The following SEMA6D variants were observed in gnomAD, a reference collection of about 807,000 sequenced individuals.
SEMA6D encodes semaphorin 6D, also known as semaphorin-6D.
A neutral mutation model predicts 106.6 loss-of-function variants in SEMA6D; 35 were observed. The observed-to-expected ratio is 0.33, with a 90% confidence interval of 0.25 to 0.44. SEMA6D has a LOEUF of 0.44. Ranked by LOEUF, SEMA6D falls within the 20% of genes least tolerant of loss-of-function variation. SEMA6D has a pLI of 1.00. For missense variants in SEMA6D, 1,185 were observed against 1,345.9 expected (o/e 0.88, Z 1.87); for synonymous variants, 499 against 487.7 (o/e 1.02, Z -0.31).
At chr15:47,733,402 G>A in intron 1 of SEMA6D, among the ~76,000 whole-genome samples, 1 of 152,128 alleles carries the variant, frequency 6.6e-6, no homozygotes, top group East Asian at 1.9e-4. Context: ...GCAAGAAGCT[G>A]TAAAAATTAA....
At chr15:47,626,955 T>C (rs1055230927) in intron 4 of SEMA6D, among the ~76,000 whole-genome samples, 1 of 152,120 alleles carries the variant, frequency 6.6e-6, no homozygotes, top group Non-Finnish European at 1.5e-5. Flanking sequence ...AAAGGAACAC[T>C]AACAATAGGG....
intron 2 of SEMA6D, among the ~76,000 whole-genome samples, chr15:47,462,168 T>C (rs1479703470): frequency 6.6e-6 from 1 of 152,078 alleles, no homozygotes; most frequent in Non-Finnish European, 1.5e-5. Flanking sequence ...TAATTAAATG[T>C]GGCCTGCCTT....
chr15:47,692,149 G>A (rs2078600168), intron 4 of SEMA6D, among the ~76,000 whole-genome samples: 1 of 152,134 alleles, frequency 6.6e-6, no homozygotes, highest in Non-Finnish European at 1.5e-5. Flanking sequence ...GTGTTTAATA[G>A]CCAAAACTGT....
chr15:47,348,169 C>T (rs2038120368), intron 1 of SEMA6D, among the ~76,000 whole-genome samples: 1 of 152,108 alleles, frequency 6.6e-6, no homozygotes, highest in South Asian at 2.1e-4. Context: ...TTAATTTGCT[C>T]TTCCTTTACT....
intron 1 of SEMA6D, among the ~76,000 whole-genome samples, chr15:47,348,721 C>CAGAGAGAGAGAGAGAGAGAGAG (rs1313096616): frequency 2.0e-4 from 5 of 24,670 alleles, no homozygotes; most frequent in African/African-American, 4.9e-4. Flanking sequence ...ACACACACCA[C>CAGAGAGAGAGAGAGAGAGAGAG]ACACACAGAG....
chr15:47,606,568 A>G (rs961846217), intron 4 of SEMA6D, among the ~76,000 whole-genome samples: 9 of 152,182 alleles, frequency 5.9e-5, no homozygotes, highest in African/African-American at 2.2e-4. Flanking sequence ...GATACATTGT[A>G]GGAGGAAACT....
intron 1 of SEMA6D, among the ~76,000 whole-genome samples, chr15:47,199,997 T>G (rs906527500): frequency 5.9e-5 from 9 of 152,160 alleles, no homozygotes; most frequent in Non-Finnish European, 1.3e-4. Flanking sequence ...CATGCCTAGA[T>G]TTCAGCCAGT....
At chr15:47,725,506 A>T (rs990682214) in intron 1 of SEMA6D, among the ~76,000 whole-genome samples, 1 of 152,030 alleles carries the variant, frequency 6.6e-6, no homozygotes, top group Non-Finnish European at 1.5e-5. Context: ...CTTCCAGATA[A>T]ACTCATCTGC....
intron 1 of SEMA6D, among the ~76,000 whole-genome samples, chr15:47,204,058 CAG>C (rs1894889016): frequency 6.6e-6 from 1 of 152,140 alleles, no homozygotes; most frequent in Admixed American, 6.6e-5. Context: ...TGCTGGAACT[CAG>C]AGCAACTGTA....
intron 1 of SEMA6D, among the ~76,000 whole-genome samples, chr15:47,725,523 C>T (rs1335730636): frequency 6.6e-6 from 1 of 152,118 alleles, no homozygotes; most frequent in Non-Finnish European, 1.5e-5. Flanking sequence ...CTGCCACTAA[C>T]GGTCCCCAGT....
chr15:47,559,558 G>T (rs1403121432), intron 3 of SEMA6D, among the ~76,000 whole-genome samples: 1 of 152,004 alleles, frequency 6.6e-6, no homozygotes, highest in Non-Finnish European at 1.5e-5. Context: ...GGAGGTCTAG[G>T]GTCTCCACTG....
intron 1 of SEMA6D, among the ~76,000 whole-genome samples, chr15:47,756,563 C>T (rs2081753191): frequency 6.6e-6 from 1 of 152,238 alleles, no homozygotes; most frequent in East Asian, 1.9e-4. Flanking sequence ...TTAAACAGGG[C>T]CCAAGAGCCA....
chr15:47,320,314 G>A (rs544376689), intron 1 of SEMA6D, among the ~76,000 whole-genome samples: 1 of 152,278 alleles, frequency 6.6e-6, no homozygotes, highest in South Asian at 2.1e-4. Flanking sequence ...CCTGGCTAGA[G>A]ACCTTAGAAT....
At chr15:47,533,165 A>G (rs1188263818) in intron 3 of SEMA6D, among the ~76,000 whole-genome samples, 1 of 152,180 alleles carries the variant, frequency 6.6e-6, no homozygotes, top group Non-Finnish European at 1.5e-5. Context: ...TAATGTGTTT[A>G]TTTTTCCTAC....
intron 1 of SEMA6D, among the ~76,000 whole-genome samples, chr15:47,251,429 C>G (rs1458190223): frequency 6.6e-6 from 1 of 152,032 alleles, no homozygotes; most frequent in Non-Finnish European, 1.5e-5. Context: ...GACTGTGATC[C>G]TTGTTCCCAA....
At chr15:47,596,522 C>A (rs578123576) in intron 3 of SEMA6D, among the ~76,000 whole-genome samples, 302 of 152,224 alleles carry the variant, frequency 2.0e-3, no homozygotes, top group Non-Finnish European at 3.6e-3. Flanking sequence ...CACTATTTGA[C>A]TTTAAACTAT....
At chr15:47,205,781 A>T (rs1895018320) in intron 1 of SEMA6D, among the ~76,000 whole-genome samples, 1 of 152,224 alleles carries the variant, frequency 6.6e-6, no homozygotes, top group Admixed American at 6.5e-5. Flanking sequence ...GCAAAAAGTT[A>T]GAGATACAAG....
chr15:47,326,014 C>T (rs2037117558), intron 1 of SEMA6D, among the ~76,000 whole-genome samples: 1 of 152,086 alleles, frequency 6.6e-6, no homozygotes, highest in African/African-American at 2.4e-5. Flanking sequence ...AGAAAAGTGC[C>T]TGCTACTAAA....
intron 1 of SEMA6D, among the ~76,000 whole-genome samples, chr15:47,750,338 G>GA (rs1200814148): frequency 6.6e-6 from 1 of 152,228 alleles, no homozygotes; most frequent in Admixed American, 6.5e-5. Flanking sequence ...GATTCTTAGA[G>GA]AAAAAACAGG....
Sources: gnomAD v4.1 joint callset for allele counts (sites outside exome capture counted in the v4.1 genomes callset) on GRCh38, gnomAD v4.1.1 for gene constraint, MANE v1.5 for transcripts, NCBI Gene and HGNC (gene_info 2026-07-23, HGNC 2026-07-21) for gene names.